The following LMBR1 variants were observed in gnomAD, a reference collection of about 807,000 sequenced individuals.
LMBR1 encodes the protein limb development membrane protein 1.
A neutral mutation model predicts 73.9 loss-of-function variants in LMBR1; 52 were observed. The ratio of observed to expected loss-of-function variants is 0.70; its 90% CI spans 0.56 to 0.89. The LOEUF is 0.89. Ranked by LOEUF, LMBR1 falls within the 40% of genes least tolerant of loss-of-function variation. The probability of loss-of-function intolerance (pLI) is 0.00; values close to 1 mark genes in which losing one functional copy is unlikely to be tolerated. For missense variants in LMBR1, 539 were observed against 579.8 expected (o/e 0.93, Z 0.72); for synonymous variants, 215 against 209.4 (o/e 1.03, Z -0.23).
At chr7:156,763,391 G>A (rs1215884214) in intron 6 of LMBR1, among the ~76,000 whole-genome samples, 2 of 151,146 alleles carry the variant, frequency 1.3e-5, no homozygotes, top group Non-Finnish European at 2.9e-5. Flanking sequence ...CCTGTCTGGA[G>A]GGAGAAAAAA....
At chr7:156,762,103 T>C (rs1245550882) in intron 8 of LMBR1, 31 bp downstream of exon 8, 1 of 1,286,256 alleles carries the variant, frequency 7.8e-7, no homozygotes, top group Non-Finnish European at 1.1e-6. Flanking sequence ...ATTTATTTAA[T>C]AAACAAAATG....
chr7:156,806,576 A>C (rs2133537103), intron 4 of LMBR1, among the ~76,000 whole-genome samples: 1 of 123,756 alleles, frequency 8.1e-6, no homozygotes, highest in Non-Finnish European at 1.7e-5. Context: ...GTATGATGTT[A>C]TCAGTAGGTT....
intron 15 of LMBR1, among the ~76,000 whole-genome samples, chr7:156,697,497 C>T (rs1403599092): frequency 6.6e-6 from 1 of 152,180 alleles, no homozygotes; most frequent in East Asian, 1.9e-4. Context: ...ATCTCAACCG[C>T]ATAAGACAGT....
chr7:156,838,296 T>C lies in LMBR1; in HGVS notation c.67-1411A>G, dbSNP rs1429762066. Among the ~76,000 whole-genome samples, 6 of 152,334 alleles carry C rather than the reference T, an allele frequency of 3.9e-5. No homozygotes were observed. The East Asian group carries it at 1.2e-3, about 29-fold the overall frequency. ...ACATTGTTATTTATTATAGTCTTCA[T>C]GTTATACAATAGATTTTGAACTTAT... is the stretch of plus-strand genomic sequence containing the variant. On this transcript the variant is annotated intron_variant, in intron 1 of 16. Transcript: ENST00000353442.
intron 15 of LMBR1, among the ~76,000 whole-genome samples, chr7:156,690,696 T>C (rs1026250477): frequency 2.0e-5 from 3 of 152,058 alleles, no homozygotes; most frequent in Non-Finnish European, 2.9e-5. Flanking sequence ...CCTGTTGCTA[T>C]AGTGCACCGA....
At chr7:156,708,549 G>A (rs932961955) in intron 15 of LMBR1, among the ~76,000 whole-genome samples, 7 of 152,176 alleles carry the variant, frequency 4.6e-5, no homozygotes, top group African/African-American at 7.2e-5. Context: ...GGGACCTTGG[G>A]GAAGGCAGCC....
chr7:156,720,394 A>T (rs1814274174), intron 15 of LMBR1, among the ~76,000 whole-genome samples: 1 of 152,190 alleles, frequency 6.6e-6, no homozygotes, highest in Non-Finnish European at 1.5e-5. Flanking sequence ...GGTATGTGTG[A>T]CCCACAGACA....
At chr7:156,818,884 C>A (rs890784909) in intron 4 of LMBR1, among the ~76,000 whole-genome samples, 5 of 152,116 alleles carry the variant, frequency 3.3e-5, no homozygotes, top group African/African-American at 1.2e-4. Flanking sequence ...AAAGAACTTA[C>A]ACTACCATTT....
chr7:156,809,796 T>C (rs188830252), intron 4 of LMBR1, among the ~76,000 whole-genome samples: 82 of 152,314 alleles, frequency 5.4e-4, no homozygotes, highest in African/African-American at 1.8e-3. Context: ...TTTTTGTAGA[T>C]GCATTTAAGA....
intron 1 of LMBR1, among the ~76,000 whole-genome samples, chr7:156,884,249 A>T (rs1251460441): frequency 6.6e-6 from 1 of 152,166 alleles, no homozygotes; most frequent in Non-Finnish European, 1.5e-5. Context: ...ACTGGCTAAC[A>T]ACTCAGAGCA....
intron 5 of LMBR1, among the ~76,000 whole-genome samples, chr7:156,773,248 T>C (rs138808736): frequency 8.7e-4 from 132 of 152,216 alleles, no homozygotes; most frequent in African/African-American, 2.9e-3. Context: ...GGAAGAATCA[T>C]TGCTAAAATG....
chr7:156,706,752 G>A (rs1811018367), intron 15 of LMBR1, among the ~76,000 whole-genome samples: 2 of 151,962 alleles, frequency 1.3e-5, no homozygotes, highest in African/African-American at 4.8e-5. Flanking sequence ...GGAAGTTTAT[G>A]ACATCAAGTG....
chr7:156,684,027 G>T lies in LMBR1; in HGVS notation c.*51C>A. On this transcript the variant is annotated 3_prime_UTR_variant, in exon 17 of 17. Coordinates refer to ENST00000353442, the MANE Select transcript of LMBR1 (RefSeq NM_022458.4). ...CTTCTACATGGGACAGGAATGTCGT[G>T]AATCTGGAGTTCTCGGGTCTCTTGG... The T allele has an allele frequency of 7.0e-7, 1 of 1,421,516 alleles. No individual in the cohort carries two copies. The allele number at this position is 1,421,516 out of a possible 1,614,324, so 88.1% of individuals were successfully genotyped here.
chr7:156,699,174 C>G (rs895566501), intron 15 of LMBR1, among the ~76,000 whole-genome samples: 1 of 150,150 alleles, frequency 6.7e-6, no homozygotes, highest in African/African-American at 2.4e-5. Flanking sequence ...GCTACAGTAA[C>G]CAAAACAGCA....
downstream of LMBR1, chr7:156,676,744 C>T: frequency 1.1e-6 from 1 of 898,528 alleles, no homozygotes; most frequent in Non-Finnish European, 1.8e-6. Flanking sequence ...TTAAGTACTA[C>T]AATGTAATCT....
At chr7:156,873,989 C>G (rs2134358982) in intron 1 of LMBR1, among the ~76,000 whole-genome samples, 1 of 152,370 alleles carries the variant, frequency 6.6e-6, no homozygotes, top group Admixed American at 6.5e-5. Context: ...CCTGCCAGTC[C>G]CGCGCCATGC....
At position 156,708,038 on chromosome 7, in the gene LMBR1, A is replaced by T. The variant is rs375801752; in HGVS notation, c.1225+16074T>A. 6.2e-3 allele frequency among the ~76,000 whole-genome samples: 948 copies of T among 152,114 alleles called. 21 individuals are homozygous for T. In the South Asian group the frequency reaches 0.078, roughly 13 times the overall value. On this transcript the variant is annotated intron_variant, in intron 15 of 16. Transcript: ENST00000353442. ...AAAACCAGTTGCATTTCTATATAAAAAAAAAAAAAAACTACTATCTAGCTG... is the reference window on the plus strand; with the variant it reads ...AAAACCAGTTGCATTTCTATATAAATAAAAAAAAAAACTACTATCTAGCTG...
intron 1 of LMBR1, among the ~76,000 whole-genome samples, chr7:156,859,601 C>T (rs1797456596): frequency 6.6e-6 from 1 of 151,862 alleles, no homozygotes; most frequent in Admixed American, 6.6e-5. Context: ...ACATTAGCAG[C>T]CCCAAAAAAG....
chr7:156,724,342 T>C (rs532519448), intron 14 of LMBR1, among the ~76,000 whole-genome samples, 164 bp from the exon 15 acceptor site: 2 of 152,294 alleles, frequency 1.3e-5, no homozygotes, highest in East Asian at 1.9e-4. Flanking sequence ...TAACACACTT[T>C]TAAAATAAAT....
Sources: allele counts gnomAD v4.1 joint callset (sites outside exome capture counted in the v4.1 genomes callset), GRCh38; gene constraint gnomAD v4.1.1; transcripts MANE v1.5; gene names NCBI Gene and HGNC (gene_info 2026-07-23, HGNC 2026-07-21).